Variants in CCDC148 observed in about 807,000 individuals in gnomAD.
CCDC148 encodes coiled-coil domain-containing protein 148.
In CCDC148, 89 loss-of-function variants were observed where a neutral mutation model predicts 85.7. The ratio of observed to expected loss-of-function variants is 1.04; its 90% CI spans 0.87 to 1.24. CCDC148 has a LOEUF of 1.24. Among genes scored for constraint, CCDC148 ranks in the 50% most tolerant of loss-of-function variants. CCDC148 has a pLI of 0.00. For missense variants in CCDC148, 692 were observed against 671.7 expected (o/e 1.03, Z -0.33); for synonymous variants, 230 against 213.9 (o/e 1.08, Z -0.66).
chr2:158,205,742 C>A (rs1686209166), intron 11 of CCDC148, among the ~76,000 whole-genome samples: 2 of 152,136 alleles, frequency 1.3e-5, no homozygotes, highest in Non-Finnish European at 2.9e-5. Context: ...AGTGAGTGAT[C>A]TGAACAGCTA....
At chr2:158,184,813 G>A (rs1481676562) in intron 11 of CCDC148, among the ~76,000 whole-genome samples, 1 of 152,140 alleles carries the variant, frequency 6.6e-6, no homozygotes, top group Non-Finnish European at 1.5e-5. Context: ...AATCACCTGT[G>A]TGACTGGTTA....
At chr2:158,281,552 A>G (rs1326914645) in intron 9 of CCDC148, among the ~76,000 whole-genome samples, 1 of 152,182 alleles carries the variant, frequency 6.6e-6, no homozygotes, top group Non-Finnish European at 1.5e-5. Context: ...TCCTCGACAC[A>G]TACACTCTCC....
At chr2:158,255,300 A>C (rs1473641604) in intron 9 of CCDC148, among the ~76,000 whole-genome samples, 2 of 151,614 alleles carry the variant, frequency 1.3e-5, no homozygotes, top group Non-Finnish European at 3.0e-5. Flanking sequence ...TACCAGGAAA[A>C]AAAAAGGGGG....
intron 1 of CCDC148, among the ~76,000 whole-genome samples, chr2:158,391,566 T>C (rs925973381): frequency 6.6e-6 from 1 of 152,206 alleles, no homozygotes; most frequent in Admixed American, 6.5e-5. Flanking sequence ...CCTCAGCACT[T>C]ATTATTATTT....
chr2:158,216,851 C>A (rs919607004), intron 11 of CCDC148, among the ~76,000 whole-genome samples: 14 of 152,118 alleles, frequency 9.2e-5, no homozygotes, highest in Non-Finnish European at 1.5e-5. Context: ...GAATACTTAA[C>A]TGTGTTCCAG....
intron 2 of CCDC148, among the ~76,000 whole-genome samples, chr2:158,351,865 A>G (rs1186841229): frequency 1.0e-3 from 157 of 150,000 alleles, no homozygotes; most frequent in Admixed American, 1.8e-3. Context: ...CTCCCAGCAC[A>G]CAGCTGGAGA....
Position 158,323,919 on chromosome 2 carries a change from C to CTTTTTTTTTTTTTT in CCDC148, c.765-10039_765-10026dup, listed in dbSNP as rs777356867. Among the ~76,000 whole-genome samples the CTTTTTTTTTTTTTT allele has an allele frequency of 2.2e-4, 18 of 82,946 alleles. 2 individuals carry two copies. Among genetic ancestry groups the CTTTTTTTTTTTTTT allele is most frequent in the Non-Finnish European group, 3.4e-4 (14 of 41,612 alleles). 54.4% of individuals were successfully genotyped at this position (82,946 alleles called of 152,430 possible). On this transcript the variant is annotated intron_variant, in intron 7 of 13. Coordinates refer to ENST00000283233, the MANE Select transcript of CCDC148 (RefSeq NM_138803.4). Reference sequence around the variant, plus strand: ...GTCTAATTTCACCACCTGGGAATAACTTTTTTTTTTTTTTTTTTTTTTTTT... The same window carrying CTTTTTTTTTTTTTT: ...GTCTAATTTCACCACCTGGGAATAACTTTTTTTTTTTTTTTTTTTTTTTTTTTTTTTTTTTTTTT...
At chr2:158,222,614 G>C (rs767191178) in intron 10 of CCDC148, among the ~76,000 whole-genome samples, 18 of 152,040 alleles carry the variant, frequency 1.2e-4, no homozygotes, top group Non-Finnish European at 5.9e-5. Flanking sequence ...TTGAGTGAAG[G>C]ATACTCATAT....
At chr2:158,433,794 G>C (rs370628669) in intron 1 of CCDC148, among the ~76,000 whole-genome samples, 2 of 152,204 alleles carry the variant, frequency 1.3e-5, no homozygotes, top group East Asian at 3.9e-4. Flanking sequence ...CTTTTCCAAG[G>C]GTCTTAGCAA....
At chr2:158,320,608 A>G (rs1265124846) in intron 7 of CCDC148, among the ~76,000 whole-genome samples, 1 of 152,174 alleles carries the variant, frequency 6.6e-6, no homozygotes, top group Non-Finnish European at 1.5e-5. Context: ...AGCTACACAT[A>G]TTTTATTATT....
chr2:158,311,262 G>A (rs565830174), intron 8 of CCDC148, among the ~76,000 whole-genome samples: 2 of 152,348 alleles, frequency 1.3e-5, no homozygotes, highest in Non-Finnish European at 2.9e-5. Flanking sequence ...TCGAGGTCAG[G>A]AGCTGGAGAC....
chr2:158,289,708 T>C (rs1690798818), intron 9 of CCDC148, among the ~76,000 whole-genome samples: 1 of 152,226 alleles, frequency 6.6e-6, no homozygotes, highest in South Asian at 2.1e-4. Flanking sequence ...ATATTCTATA[T>C]TGTTAGGTAT....
At chr2:158,444,393 G>GA (rs577695260) in intron 1 of CCDC148, among the ~76,000 whole-genome samples, 6 of 151,886 alleles carry the variant, frequency 4.0e-5, no homozygotes, top group East Asian at 1.9e-4. Context: ...GCTCATAATT[G>GA]AAAAAAACAT....
At chr2:158,422,968 C>G (rs937189803) in intron 1 of CCDC148, among the ~76,000 whole-genome samples, 1 of 152,088 alleles carries the variant, frequency 6.6e-6, no homozygotes, top group Non-Finnish European at 1.5e-5. Context: ...CATGAGTGAA[C>G]TCCCATTCAG....
intron 2 of CCDC148, among the ~76,000 whole-genome samples, chr2:158,352,658 T>C (rs1176910354): frequency 3.3e-5 from 5 of 152,166 alleles, no homozygotes; most frequent in African/African-American, 1.2e-4. Context: ...GTCTTCAGGA[T>C]ATTATCCAGG....
intron 11 of CCDC148, among the ~76,000 whole-genome samples, chr2:158,189,558 C>T (rs756097010): frequency 1.3e-5 from 2 of 151,810 alleles, no homozygotes; most frequent in African/African-American, 2.4e-5. Flanking sequence ...TTATTTATGG[C>T]AGGAGCTTTC....
In CCDC148 at chr2:158,425,028, A is replaced by G; in HGVS notation, c.25+31387T>C. On this transcript the variant is annotated intron_variant, in intron 1 of 13. Transcript: ENST00000283233. ...ACAAAAAGGAAGAACAGGTGCTGCA[A>G]CCAGTGAATGAGGGGGCCCTAGGGG... The G allele has an allele frequency of 7.0e-6, 3 of 425,920 alleles. No individual in the cohort carries two copies. The Admixed American group carries it at 7.6e-5, about 11-fold the overall frequency. The allele number at this position is 425,920 out of a possible 1,614,324, so 26.4% of individuals were successfully genotyped here.
intron 1 of CCDC148, among the ~76,000 whole-genome samples, chr2:158,393,812 A>G (rs764752573): frequency 1.3e-5 from 2 of 152,156 alleles, no homozygotes; most frequent in Non-Finnish European, 2.9e-5. Flanking sequence ...TTTCTTGGGA[A>G]CTAAATAAAT....
intron 13 of CCDC148, among the ~76,000 whole-genome samples, chr2:158,173,296 T>A (rs1684405839): frequency 6.6e-6 from 1 of 152,102 alleles, no homozygotes; most frequent in South Asian, 2.1e-4. Context: ...AGCAGAGTAC[T>A]GGTTACCATT....
Sources: allele counts gnomAD v4.1 joint callset (sites outside exome capture counted in the v4.1 genomes callset), GRCh38; gene constraint gnomAD v4.1.1; transcripts MANE v1.5; gene names NCBI Gene and HGNC (gene_info 2026-07-23, HGNC 2026-07-21).